Variants in TF observed in about 807,000 individuals in gnomAD.
The protein encoded by TF is serotransferrin.
TF carries 55 observed loss-of-function variants against 82.4 expected under a neutral mutation model. The observed-to-expected ratio is 0.67, with a 90% CI of 0.54 to 0.84. The LOEUF is 0.84. TF is among the 40% of genes least tolerant of loss of function. The pLI is 0.00. For synonymous variants in TF, 332 were observed against 332.6 expected (o/e 1.00, Z 0.02); for missense variants, 737 against 868.4 (o/e 0.85, Z 1.90).
upstream of TF, among the ~76,000 whole-genome samples, chr3:133,743,244 C>T (rs1933427367): frequency 6.6e-6 from 1 of 152,186 alleles, no homozygotes. Flanking sequence ...CAGGACAGTG[C>T]CTGACACATA....
rs764008676 is a variant in TF at position 133,759,200 on chromosome 3, C to T, written c.1074C>T (p.Cys358=). 7 of 1,614,166 alleles carry T rather than the reference C, an allele frequency of 4.3e-6. 1 individual carries two copies. In the South Asian group the frequency reaches 7.7e-5, roughly 18 times the overall value. ...GTCPEAPTDE[C]KPVKWCALSH... is the part of the protein sequence containing the mutation. ...GCCCAGAAGCCCCAACAGATGAATGCAAGCCTGTGAAGTGGTGTGCGCTGA... is the reference window on the plus strand; with the variant it reads ...GCCCAGAAGCCCCAACAGATGAATGTAAGCCTGTGAAGTGGTGTGCGCTGA... Residue 358 remains cysteine (C), a synonymous_variant, in exon 9 of 17, where the codon TGC becomes TGT. Transcript: ENST00000402696.
intron 9 of TF, among the ~76,000 whole-genome samples, chr3:133,763,270 G>A (rs563224656): frequency 6.6e-6 from 1 of 152,262 alleles, no homozygotes; most frequent in African/African-American, 2.4e-5. Context: ...GGCTATTGAT[G>A]TGAAATTACA....
At chr3:133,775,031 T>C (rs1934351026) in intron 14 of TF, 1 of 328,944 alleles carries the variant, frequency 3.0e-6, no homozygotes, top group Admixed American at 4.2e-5. Context: ...GGAAAAGTTC[T>C]TTTGTTTGGA....
chr3:133,722,208 C>T, the TF span, among the ~76,000 whole-genome samples: 48 of 151,844 alleles, frequency 3.2e-4, 1 homozygote, highest in African/African-American at 1.2e-3. Context: ...GACTTAATGT[C>T]TATTTTATCT....
rs558347714 is a variant in TF, at chr3:133,792,949, G to A, written c.*14329G>A. The A allele has an allele frequency of 2.0e-5, 3 of 152,262 alleles. No individual in the cohort carries two copies. Among genetic ancestry groups the A allele is most frequent in the Admixed American group, 2.0e-4 (3 of 15,290 alleles). The allele number at this position is 152,262 out of a possible 1,614,324, so 9.4% of individuals were successfully genotyped here. ...CCGATCTGCTCTTTAACAAACATTT[G>A]TAAAGGATTATAAAAGGTTTATGAG... On this transcript the variant is annotated 3_prime_UTR_variant, in exon 17 of 17. Coordinates refer to ENST00000402696, the MANE Select transcript of TF (RefSeq NM_001063.4).
upstream of TF, chr3:133,746,263 C>T (rs535150514): frequency 8.6e-5 from 60 of 694,164 alleles, no homozygotes; most frequent in African/African-American, 8.0e-4. Context: ...ATCAGTGGGA[C>T]GAGTAAGGAA....
At chr3:133,758,412 C>G (rs541642405) in intron 8 of TF, among the ~76,000 whole-genome samples, 1 of 152,306 alleles carries the variant, frequency 6.6e-6, no homozygotes, top group South Asian at 2.1e-4. Flanking sequence ...ATTTATTGAA[C>G]ATCTAGCCAT....
At chr3:133,680,284 C>T in the TF span, among the ~76,000 whole-genome samples, 1 of 151,828 alleles carries the variant, frequency 6.6e-6, no homozygotes, top group Non-Finnish European at 1.5e-5. Flanking sequence ...TGGCTCACTG[C>T]AGTCTCGACC....
chr3:133,682,753 G>A, the TF span, among the ~76,000 whole-genome samples: 10 of 92,282 alleles, frequency 1.1e-4, no homozygotes, highest in African/African-American at 4.5e-4. Flanking sequence ...TGAAAGTGAC[G>A]GGGAGTGGAA....
rs893071907 is a variant in TF at position 133,781,118 on chromosome 3, A to T, written c.*2498A>T. On this transcript the variant is annotated 3_prime_UTR_variant, in exon 17 of 17. Coordinates refer to ENST00000402696, the MANE Select transcript of TF (RefSeq NM_001063.4). Reference sequence around the variant, plus strand: ...CGGATCACCTGAGGTCAGGAGTTCGAGACCAGCTTGACAACATGGAGAAAC... The same window carrying T: ...CGGATCACCTGAGGTCAGGAGTTCGTGACCAGCTTGACAACATGGAGAAAC... The T allele has an allele frequency of 1.3e-5, 2 of 152,202 alleles. No individual in the cohort carries two copies. The highest frequency in any genetic ancestry group is 2.9e-5 in the Non-Finnish European group (2 of 68,054). The allele number at this position is 152,202 out of a possible 1,614,324, so 9.4% of individuals were successfully genotyped here. A position where few individuals can be genotyped will look rare whatever the true frequency, so the allele number is the denominator to read the frequency against.
At chr3:133,769,517 C>T (rs1386788601) in intron 13 of TF, among the ~76,000 whole-genome samples, 1 of 152,110 alleles carries the variant, frequency 6.6e-6, no homozygotes, top group African/African-American at 2.4e-5. Flanking sequence ...TAAAACTTAG[C>T]TATGAAGTAA....
At chr3:133,682,183 A>G in the TF span, among the ~76,000 whole-genome samples, 2 of 152,140 alleles carry the variant, frequency 1.3e-5, no homozygotes, top group African/African-American at 4.8e-5. Flanking sequence ...AGACATCAAC[A>G]CCAAAACCCC....
the TF span, among the ~76,000 whole-genome samples, chr3:133,736,649 A>AAAAAAAAAAAAAAAAAC: frequency 6.7e-6 from 1 of 149,908 alleles, no homozygotes; most frequent in South Asian, 2.1e-4. Flanking sequence ...AAAAAAAAAA[A>AAAAAAAAAAAAAAAAAC]AAGCAGGGGT....
chr3:133,685,882 A>G, the TF span, among the ~76,000 whole-genome samples: 1 of 152,124 alleles, frequency 6.6e-6, no homozygotes, highest in African/African-American at 2.4e-5. Context: ...AAAAGCCCAT[A>G]TTGCCAAGAC....
chr3:133,796,298 G>A lies in TF; in HGVS notation c.*17678G>A, dbSNP rs1175164004. ...CTAGGCCTCAAGCCAACATGAAGCAGTTACAAAAGAAAGACCATCGGCCCC... is the reference window on the plus strand; with the variant it reads ...CTAGGCCTCAAGCCAACATGAAGCAATTACAAAAGAAAGACCATCGGCCCC... On this transcript the variant is annotated 3_prime_UTR_variant, in exon 17 of 17. Transcript: ENST00000402696. 1.3e-5 allele frequency: 2 copies of A among 152,402 alleles called. No individual in the cohort carries two copies. The highest frequency in any genetic ancestry group is 4.8e-5 in the African/African-American group (2 of 41,450). 9.4% of individuals were successfully genotyped at this position (152,402 alleles called of 1,614,324 possible).
At chr3:133,699,504 C>G in the TF span, 1 of 1,139,186 alleles carries the variant, frequency 8.8e-7, no homozygotes, top group African/African-American at 1.6e-5. Context: ...GAACAACACC[C>G]AGAAGCTGGT....
At chr3:133,724,789 G>T in the TF span, among the ~76,000 whole-genome samples, 1 of 152,170 alleles carries the variant, frequency 6.6e-6, no homozygotes, top group Non-Finnish European at 1.5e-5. Context: ...ATGGTTTTAG[G>T]TCTAACATGT....
chr3:133,732,726 C>T, the TF span, among the ~76,000 whole-genome samples: 1 of 152,202 alleles, frequency 6.6e-6, no homozygotes, highest in Non-Finnish European at 1.5e-5. Flanking sequence ...GGAAGAAACT[C>T]TTGACACACC....
the TF span, among the ~76,000 whole-genome samples, chr3:133,678,475 C>T: frequency 6.6e-6 from 1 of 152,232 alleles, no homozygotes; most frequent in South Asian, 2.1e-4. Flanking sequence ...ACACTCCCAC[C>T]AACAGTGTAA....
Sources: gnomAD v4.1 joint callset for allele counts (sites outside exome capture counted in the v4.1 genomes callset) on GRCh38, gnomAD v4.1.1 for gene constraint, MANE v1.5 for transcripts, NCBI Gene and HGNC (gene_info 2026-07-23, HGNC 2026-07-21) for gene names.